The following CYP3A4 variants were observed in gnomAD, a reference collection of about 807,000 sequenced individuals.
CYP3A4 encodes the protein cytochrome P450 3A4.
CYP3A4 carries 41 observed loss-of-function variants against 54.9 expected under a neutral mutation model. The observed-to-expected ratio is 0.75, with a 90% CI of 0.58 to 0.97. The LOEUF is 0.97. CYP3A4 is among the 50% of genes least tolerant of loss of function. CYP3A4 has a pLI of 0.00. For synonymous variants in CYP3A4, 179 were observed against 205.2 expected, an observed-to-expected ratio of 0.87 and a Z score of 1.09; for missense variants, 510 against 597.3, an observed-to-expected ratio of 0.85 and a Z score of 1.52.
chr7:99,761,042 G>A (rs1815311159), intron 11 of CYP3A4, 61 bp from the exon 12 acceptor site: 1 of 1,564,368 alleles, frequency 6.4e-7, no homozygotes, highest in African/African-American at 1.4e-5. Context: ...AGAGTTACAT[G>A]TTAGGGTTTC....
At position 99,770,128 on chromosome 7, in the gene CYP3A4, G is replaced by A. The variant is rs772296942; in HGVS notation, c.426C>T (p.Leu142=). 1.9e-6 allele frequency: 3 copies of A among 1,610,996 alleles called. No homozygotes were observed. The highest frequency in any genetic ancestry group is 2.5e-6 in the Non-Finnish European group (3 of 1,177,366). Residue 142 remains leucine (L), a synonymous_variant, in exon 5 of 13, where the codon CTC becomes CTT. Coordinates refer to ENST00000651514, the MANE Select transcript of CYP3A4 (RefSeq NM_017460.6). ...LLSPTFTSGK[L]KEMVPIIAQY... is the part of the protein sequence containing the mutation. ...ACTCATGTTATTTTCATACCTCCTT[G>A]AGTTTTCCACTGGTGAAGGTTGGAG...
In CYP3A4 at chr7:99,770,129, A is replaced by G; in HGVS notation, c.425T>C (p.Leu142Pro). The change falls in exon 5 of 13, where the codon CTC becomes CCC. Residue 142 changes from leucine to proline, a missense_variant. By Grantham distance (98) the Leu-to-Pro change is moderately conservative. Around this residue, in one of 2 missense-constraint regions of CYP3A4, gnomAD observed 272 missense variants for 274.9 expected, o/e 0.99. Coordinates refer to ENST00000651514, the MANE Select transcript of CYP3A4 (RefSeq NM_017460.6). ...LLSPTFTSGK[L>P]KEMVPIIAQY... ...CTCATGTTATTTTCATACCTCCTTG[A>G]GTTTTCCACTGGTGAAGGTTGGAGA... The G allele has an allele frequency of 6.2e-7, 1 of 1,611,206 alleles. No homozygotes were observed. Among genetic ancestry groups the G allele is most frequent in the Non-Finnish European group, 8.5e-7 (1 of 1,177,532 alleles).
Position 99,759,024 on chromosome 7 carries a change from G to A in CYP3A4, c.1417-796C>T, listed in dbSNP as rs146230959. On this transcript the variant is annotated intron_variant, in intron 12 of 12. Transcript: ENST00000651514. ...TTGCCAGGGAGATCAAGAAGTGCCAGGTTGGGAGCTTACCAAGGAGTACCT... is the reference window on the plus strand; with the variant it reads ...TTGCCAGGGAGATCAAGAAGTGCCAAGTTGGGAGCTTACCAAGGAGTACCT... Among the ~76,000 whole-genome samples, 198 of 152,320 alleles carry A rather than the reference G, an allele frequency of 1.3e-3. 1 individual carries two copies. The highest frequency in any genetic ancestry group is 4.7e-3 in the African/African-American group (195 of 41,564).
rs774586724 is a variant in CYP3A4 at position 99,762,265 on chromosome 7, T to A, written c.1029A>T (p.Ala343=). ...EEIDAVLPNK[A]PPTYDTVLQM... ...GTAGCACAGTATCATAGGTGGGTGG[T>A]GCCTGGAAAGAACGAAACAGATTTG... Residue 343 remains alanine, a splice_region_variant and synonymous_variant, in exon 11 of 13, where the codon GCA becomes GCT. Transcript: ENST00000651514. The A allele has an allele frequency of 1.9e-6, 3 of 1,614,000 alleles. No individual in the cohort carries two copies. The highest frequency in any genetic ancestry group is 2.2e-5 in the South Asian group (2 of 91,074).
intron 9 of CYP3A4, among the ~76,000 whole-genome samples, chr7:99,765,662 T>A (rs147864881): frequency 6.6e-6 from 1 of 152,240 alleles, no homozygotes; most frequent in African/African-American, 2.4e-5. Flanking sequence ...GGTTGCCAAG[T>A]CTTGGTGGCT....
rs138550343 is a variant in CYP3A4 at position 99,758,180 on chromosome 7, C to T, written c.1465G>A (p.Val489Ile). Residue 489 changes from valine (V) to isoleucine (I), a missense_variant, in exon 13 of 13, where the codon GTT becomes ATT. Physicochemically the swap from Val to Ile is conservative, Grantham distance 29. This residue lies in a region of CYP3A4 where 238 missense variants were observed against 322.5 expected (regional missense o/e 0.74). Coordinates refer to ENST00000651514, the MANE Select transcript of CYP3A4 (RefSeq NM_017460.6). ...LGGLLQPEKP[V>I]VLKVESRDGT... Reference sequence around the variant, plus strand: ...TCCCTTGACTCAACCTTTAGAACAACGGGTTTTTCTGGTTGAAGAAGTCCT... The same window carrying T: ...TCCCTTGACTCAACCTTTAGAACAATGGGTTTTTCTGGTTGAAGAAGTCCT... The T allele has an allele frequency of 4.6e-5, 75 of 1,613,978 alleles. No individual in the cohort carries two copies. Among genetic ancestry groups the T allele is most frequent in the African/African-American group, 2.0e-4 (15 of 75,030 alleles).
intron 7 of CYP3A4, among the ~76,000 whole-genome samples, chr7:99,767,953 C>A (rs916530067): frequency 5.3e-5 from 8 of 151,884 alleles, no homozygotes; most frequent in African/African-American, 1.5e-4. Flanking sequence ...ACATAGTAAA[C>A]GAAGAAGGGC....
chr7:99,780,052 C>T lies in CYP3A4; in HGVS notation c.105G>A (p.Lys35=). Residue 35 remains lysine, a synonymous_variant, in exon 2 of 13, where the codon AAG becomes AAA. Coordinates refer to ENST00000651514, the MANE Select transcript of CYP3A4 (RefSeq NM_017460.6). ...YGTHSHGLFK[K]LGIPGPTPLP... is the part of the protein sequence containing the mutation. ...GAGGTGTGGGCCCTGGAATTCCAAG[C>T]TTCTTAAAAAGTCCATGTGAATGGG... The T allele has an allele frequency of 3.7e-6, 6 of 1,613,576 alleles. No individual in the cohort carries two copies. The highest frequency in any genetic ancestry group is 5.1e-6 in the Non-Finnish European group (6 of 1,179,674).
intron 9 of CYP3A4, among the ~76,000 whole-genome samples, chr7:99,765,089 A>C (rs570349093): frequency 6.6e-6 from 1 of 152,234 alleles, no homozygotes; most frequent in South Asian, 2.1e-4. Flanking sequence ...TGCAGTTATA[A>C]GTAAATTCAA....
chr7:99,773,244 A>G (rs999870125), intron 3 of CYP3A4, among the ~76,000 whole-genome samples: 3 of 152,078 alleles, frequency 2.0e-5, no homozygotes, highest in African/African-American at 4.8e-5. Context: ...CACAATAATA[A>G]TGGGAGATTT....
Position 99,758,121 on chromosome 7 carries a change from C to T in CYP3A4, c.*12G>A. ...ATTTCTTGAAGAGCAAAGCAGAAGT[C>T]CTTAGGAAAATTCAGGCTCCACTTA... On this transcript the variant is annotated 3_prime_UTR_variant, in exon 13 of 13. Transcript: ENST00000651514. 1.2e-6 allele frequency: 2 copies of T among 1,610,344 alleles called. No individual in the cohort carries two copies. The highest frequency in any genetic ancestry group is 1.7e-6 in the Non-Finnish European group (2 of 1,176,594).
intron 6 of CYP3A4, 159 bp downstream of exon 6, chr7:99,769,609 G>C (rs1412145464): frequency 1.5e-6 from 1 of 661,428 alleles, no homozygotes. Context: ...CCTCCTCATC[G>C]GAGCTGCCCC....
chr7:99,765,871 C>T (rs868500050), intron 9 of CYP3A4, among the ~76,000 whole-genome samples: 1 of 152,186 alleles, frequency 6.6e-6, no homozygotes, highest in East Asian at 1.9e-4. Flanking sequence ...CTGGTGAACA[C>T]ACTTTCAACA....
At chr7:99,761,016 T>A in intron 11 of CYP3A4, 35 bp from the exon 12 acceptor site, 1 of 1,610,244 alleles carries the variant, frequency 6.2e-7, no homozygotes, top group African/African-American at 1.3e-5. Context: ...AAAAAGTTAA[T>A]GACATAATAC....
chr7:99,772,772 C>T, intron 3 of CYP3A4, 83 bp from the exon 4 acceptor site: 2 of 1,387,494 alleles, frequency 1.4e-6, no homozygotes, highest in South Asian at 2.4e-5. Context: ...AGACTTTGAT[C>T]CTGACTTTAC....
At chr7:99,766,278 C>T in intron 9 of CYP3A4, 99 bp downstream of exon 9, 2 of 1,425,948 alleles carry the variant, frequency 1.4e-6, no homozygotes, top group Non-Finnish European at 2.0e-6. Context: ...TGCTATGTGG[C>T]AGAAATTCTC....
chr7:99,767,337 T>C (rs1450186651), intron 7 of CYP3A4, 79 bp from the exon 8 acceptor site: 1 of 1,281,076 alleles, frequency 7.8e-7, no homozygotes, highest in East Asian at 2.4e-5. Flanking sequence ...ATTCTAGTTT[T>C]CTCTACCAAC....
chr7:99,775,819 A>C (rs753422397), intron 3 of CYP3A4, among the ~76,000 whole-genome samples: 33 of 152,234 alleles, frequency 2.2e-4, no homozygotes, highest in Admixed American at 2.6e-4. Context: ...AAGCAATGGC[A>C]ACAAAAGCCA....
intron 11 of CYP3A4, among the ~76,000 whole-genome samples, chr7:99,761,512 C>T (rs28988595): frequency 7.9e-4 from 120 of 152,166 alleles, no homozygotes; most frequent in African/African-American, 2.3e-3. Context: ...CCATCTCTCC[C>T]TCTTTCTCCC....
Sources: gnomAD v4.1 joint callset for allele counts (sites outside exome capture counted in the v4.1 genomes callset) on GRCh38, gnomAD v4.1.1 for gene constraint, gnomAD v4.1.1 regional missense constraint, MANE v1.5 for transcripts, NCBI Gene and HGNC (gene_info 2026-07-23, HGNC 2026-07-21) for gene names.